PIK3C2A: variants seen among roughly 807,000 people sequenced by gnomAD.
The protein encoded by PIK3C2A is phosphatidylinositol 4-phosphate 3-kinase C2 domain-containing subunit alpha.
In PIK3C2A, 97 loss-of-function variants were observed where a neutral mutation model predicts 204.5. The ratio of observed to expected loss-of-function variants is 0.47; its 90% CI spans 0.40 to 0.56. The LOEUF (loss-of-function observed/expected upper bound fraction) is 0.56, where lower values mean the gene tolerates loss of function less well. Among genes scored for constraint, PIK3C2A ranks in the 20% least tolerant of loss-of-function variants. PIK3C2A has a pLI of 0.00. For missense variants in PIK3C2A, 1,735 were observed against 1,969.2 expected (o/e 0.88, Z 2.25); for synonymous variants, 653 against 664.4 (o/e 0.98, Z 0.26).
At chr11:17,123,121 T>G (rs7929047) in intron 13 of PIK3C2A, among the ~76,000 whole-genome samples, 145,224 of 152,294 alleles carry the variant, frequency 0.95, 69,868 homozygotes, top group African/African-American at 0.99. Context: ...AAATAGGAAG[T>G]TTAAGAATAG....
rs1244489993 is a variant in PIK3C2A, at chr11:17,088,186, T to C, written c.*1552A>G. Reference sequence around the variant, plus strand: ...ACCATGAGTTCTTATTATATATATGTATATATCCAAATTAACAAAATTGTG... The same window carrying C: ...ACCATGAGTTCTTATTATATATATGCATATATCCAAATTAACAAAATTGTG... On this transcript the variant is annotated 3_prime_UTR_variant, in exon 33 of 33. Transcript: ENST00000691414. The C allele has an allele frequency of 6.6e-6, 1 of 152,202 alleles. No individual in the cohort carries two copies. The highest frequency in any genetic ancestry group is 1.5e-5 in the Non-Finnish European group (1 of 68,032). 9.4% of individuals were successfully genotyped at this position (152,202 alleles called of 1,614,324 possible). A position where few individuals can be genotyped will look rare whatever the true frequency, so the allele number is the denominator to read the frequency against.
chr11:17,192,505 T>C (rs867125484), intron 1 of PIK3C2A, among the ~76,000 whole-genome samples: 1 of 152,234 alleles, frequency 6.6e-6, no homozygotes, highest in Non-Finnish European at 1.5e-5. Flanking sequence ...TGGAGTACAG[T>C]GGCGCAATCT....
intron 13 of PIK3C2A, among the ~76,000 whole-genome samples, chr11:17,126,110 T>TGA (rs1849513318): frequency 6.6e-6 from 1 of 151,954 alleles, no homozygotes; most frequent in Non-Finnish European, 1.5e-5. Context: ...AGTGACAGAG[T>TGA]GAGACTCTGT....
chr11:17,107,558 G>C (rs1469731306), intron 22 of PIK3C2A, among the ~76,000 whole-genome samples: 1 of 152,158 alleles, frequency 6.6e-6, no homozygotes, highest in African/African-American at 2.4e-5. Flanking sequence ...ACGGTACCTA[G>C]AATTGAGGAT....
chr11:17,155,499 G>T, intron 3 of PIK3C2A, 27 bp downstream of exon 3: 2 of 1,303,804 alleles, frequency 1.5e-6, no homozygotes, highest in Non-Finnish European at 2.2e-6. Flanking sequence ...TTTTTCAAAT[G>T]AACATTTATA....
chr11:17,197,098 T>G (rs1210302857), intron 1 of PIK3C2A, among the ~76,000 whole-genome samples: 2 of 151,848 alleles, frequency 1.3e-5, no homozygotes, highest in African/African-American at 2.4e-5. Flanking sequence ...GGAGGCTCAC[T>G]GCAACCTCCA....
chr11:17,107,079 C>T (rs1480971465), intron 22 of PIK3C2A, among the ~76,000 whole-genome samples: 6 of 152,048 alleles, frequency 3.9e-5, no homozygotes, highest in East Asian at 1.9e-4. Flanking sequence ...TTTGGGAGGC[C>T]GAGGCGGGCA....
rs888542275 is a variant in PIK3C2A, at chr11:17,086,701, G to A, written c.*3037C>T. On this transcript the variant is annotated 3_prime_UTR_variant, in exon 33 of 33. Transcript: ENST00000691414. Reference sequence around the variant, plus strand: ...TATTCACTATCTTAATATAATTAAAGTATTTGGTTCTTATAGGTAAGATTA... The same window carrying A: ...TATTCACTATCTTAATATAATTAAAATATTTGGTTCTTATAGGTAAGATTA... 10 of 152,096 alleles carry A rather than the reference G, an allele frequency of 6.6e-5. No homozygotes were observed. Among genetic ancestry groups the A allele is most frequent in the African/African-American group, 2.4e-4 (10 of 41,408 alleles). The allele number at this position is 152,096 out of a possible 1,614,324, so 9.4% of individuals were successfully genotyped here.
chr11:17,091,785 C>T (rs61763087), intron 30 of PIK3C2A, 129 bp from the exon 31 acceptor site: 1 of 679,420 alleles, frequency 1.5e-6, no homozygotes, highest in East Asian at 2.7e-5. Flanking sequence ...AAGGAGTAAA[C>T]AACCTGATAG....
intron 15 of PIK3C2A, among the ~76,000 whole-genome samples, chr11:17,121,711 T>A (rs951140473): frequency 6.6e-6 from 1 of 152,176 alleles, no homozygotes; most frequent in Non-Finnish European, 1.5e-5. Flanking sequence ...ATTTCCCTGA[T>A]TACTGAGAAA....
chr11:17,091,309 AC>A (rs1244632594), intron 32 of PIK3C2A, 24 bp downstream of exon 32: 1 of 1,585,644 alleles, frequency 6.3e-7, no homozygotes, highest in Non-Finnish European at 8.6e-7. Flanking sequence ...AACCAAGGAA[AC>A]TTCTAGAAAT....
At chr11:17,145,966 A>G in intron 6 of PIK3C2A, 24 bp from the exon 7 acceptor site, 2 of 1,549,046 alleles carry the variant, frequency 1.3e-6, no homozygotes, top group Non-Finnish European at 1.8e-6. Flanking sequence ...TATACACAAA[A>G]AAATCACATC....
chr11:17,111,916 AAACTT>A (rs1224062635), intron 21 of PIK3C2A, among the ~76,000 whole-genome samples: 2 of 151,556 alleles, frequency 1.3e-5, no homozygotes, highest in Non-Finnish European at 2.9e-5. Context: ...AAAAAAAAAA[AAACTT>A]AACACATAAA....
chr11:17,114,113 A>AAATAAATAAATAAATAAATAAATC (rs1849093697), intron 20 of PIK3C2A, among the ~76,000 whole-genome samples: 1 of 151,536 alleles, frequency 6.6e-6, no homozygotes, highest in African/African-American at 2.4e-5. Context: ...ATAAATAAAT[A>AAATAAATAAATAAATAAATAAATC]AAAAGGTGAG....
At chr11:17,141,384 A>C (rs1264606293) in intron 8 of PIK3C2A, 1 of 146,646 alleles carries the variant, frequency 6.8e-6, no homozygotes, top group Non-Finnish European at 1.5e-5. Context: ...CAATTCTCCT[A>C]CCTCAGCCCC....
chr11:17,111,897 A>G (rs1226698816), intron 21 of PIK3C2A, among the ~76,000 whole-genome samples: 1 of 151,030 alleles, frequency 6.6e-6, no homozygotes, highest in Non-Finnish European at 1.5e-5. Context: ...AAAAAAAAAA[A>G]AAAATTCAAA....
At chr11:17,097,633 G>T (rs1253625582) in intron 26 of PIK3C2A, among the ~76,000 whole-genome samples, 1 of 152,186 alleles carries the variant, frequency 6.6e-6, no homozygotes, top group Non-Finnish European at 1.5e-5. Flanking sequence ...TAATCCAAGG[G>T]CTGGGCACGG....
At chr11:17,152,356 G>A (rs934770352) in intron 3 of PIK3C2A, among the ~76,000 whole-genome samples, 3 of 151,982 alleles carry the variant, frequency 2.0e-5, no homozygotes, top group African/African-American at 7.2e-5. Flanking sequence ...TCCATGGTTT[G>A]TTTGCTTTAT....
intron 9 of PIK3C2A, among the ~76,000 whole-genome samples, chr11:17,135,925 TATAA>T (rs1244299611): frequency 3.3e-5 from 5 of 152,154 alleles, no homozygotes; most frequent in East Asian, 1.9e-4. Context: ...CAATTAAAGA[TATAA>T]ATGTCTCTAT....
Sources: gnomAD v4.1 joint callset for allele counts (sites outside exome capture counted in the v4.1 genomes callset) on GRCh38, gnomAD v4.1.1 for gene constraint, MANE v1.5 for transcripts, NCBI Gene and HGNC (gene_info 2026-07-23, HGNC 2026-07-21) for gene names.